Variants in LYN observed in about 807,000 individuals in gnomAD.
LYN encodes the protein tyrosine-protein kinase Lyn.
A neutral mutation model predicts 65.0 loss-of-function variants in LYN; 12 were observed. That is an observed-to-expected ratio of 0.18 (90% CI 0.12 to 0.30). LYN has a LOEUF of 0.30. Ranked by LOEUF, LYN falls within the 10% of genes least tolerant of loss-of-function variation. The pLI is 1.00. For missense variants in LYN, 380 were observed against 623.2 expected (o/e 0.61, Z 4.16); for synonymous variants, 222 against 221.2 (o/e 1.00, Z -0.03).
chr8:56,010,202 C>A lies in LYN; in HGVS notation c.*92C>A. On this transcript the variant is annotated 3_prime_UTR_variant, in exon 13 of 13. Transcript: ENST00000519728. ...CTGGTTGCACTTATGATTTCATGTG[C>A]GGGGATCATCTGCCGTGCCTGGATC... 3 of 1,285,630 alleles carry A rather than the reference C, an allele frequency of 2.3e-6. No individual in the cohort carries two copies. The highest frequency in any genetic ancestry group is 1.9e-5 in the Admixed American group (1 of 53,998). The allele number at this position is 1,285,630 out of a possible 1,614,324, so 79.6% of individuals were successfully genotyped here.
chr8:55,908,971 T>A (rs1464180024), intron 1 of LYN, among the ~76,000 whole-genome samples: 1 of 137,940 alleles, frequency 7.2e-6, no homozygotes, highest in Non-Finnish European at 1.5e-5. Context: ...TGTGGCTGAA[T>A]GGTATTCCAT....
chr8:55,953,098 C>G (rs1489048628), intron 7 of LYN, among the ~76,000 whole-genome samples: 1 of 152,220 alleles, frequency 6.6e-6, no homozygotes, highest in Non-Finnish European at 1.5e-5. Context: ...CCCTCCCATT[C>G]CTGTGTGCAT....
At chr8:55,962,656 G>T (rs1005854842) in intron 8 of LYN, among the ~76,000 whole-genome samples, 1 of 152,192 alleles carries the variant, frequency 6.6e-6, no homozygotes, top group Admixed American at 6.5e-5. Flanking sequence ...GTGCTGTGCT[G>T]CATGTGTTTT....
intron 12 of LYN, among the ~76,000 whole-genome samples, chr8:56,003,047 A>C (rs1310010688): frequency 2.7e-5 from 4 of 150,094 alleles, no homozygotes; most frequent in African/African-American, 9.8e-5. Flanking sequence ...ACTGCTGGCT[A>C]TGTTTTTGTT....
chr8:55,952,626 T>A (rs1013848326), intron 7 of LYN, among the ~76,000 whole-genome samples: 2 of 152,194 alleles, frequency 1.3e-5, no homozygotes, highest in Non-Finnish European at 2.9e-5. Flanking sequence ...TAAGATTTGA[T>A]CCTTGTGAAT....
intron 1 of LYN, among the ~76,000 whole-genome samples, chr8:55,902,474 C>T (rs1168602604): frequency 2.0e-5 from 3 of 150,940 alleles, no homozygotes; most frequent in Non-Finnish European, 3.0e-5. Flanking sequence ...ATTACAGGTG[C>T]GCTCCACAAC....
intron 8 of LYN, among the ~76,000 whole-genome samples, chr8:55,961,372 A>G (rs977739221): frequency 6.6e-6 from 1 of 152,202 alleles, no homozygotes; most frequent in Admixed American, 6.5e-5. Flanking sequence ...TGAACCTTCA[A>G]ACTACCAGAG....
intron 3 of LYN, 143 bp downstream of exon 3, chr8:55,946,636 A>G (rs1806786648): frequency 1.6e-6 from 1 of 630,674 alleles, no homozygotes; most frequent in East Asian, 2.7e-5. Context: ...ATTTTTAAGT[A>G]TACATTTCAG....
chr8:55,952,981 C>T (rs57813383), intron 7 of LYN, among the ~76,000 whole-genome samples: 4,251 of 152,258 alleles, frequency 0.028, 206 homozygotes, highest in African/African-American at 0.097. Context: ...TGCCCCGGCT[C>T]CTTTCTATGA....
intron 10 of LYN, among the ~76,000 whole-genome samples, chr8:55,991,031 C>T (rs1012529677): frequency 2.6e-5 from 4 of 152,110 alleles, no homozygotes; most frequent in African/African-American, 9.7e-5. Flanking sequence ...TGTGAATATA[C>T]CAACAAATAG....
At chr8:55,965,148 A>G (rs1807410997) in intron 8 of LYN, among the ~76,000 whole-genome samples, 1 of 152,194 alleles carries the variant, frequency 6.6e-6, no homozygotes, top group African/African-American at 2.4e-5. Context: ...CTTTCCCAAG[A>G]GAAAGTCAGG....
chr8:56,003,226 AT>A (rs548712716), intron 12 of LYN, among the ~76,000 whole-genome samples: 6 of 149,574 alleles, frequency 4.0e-5, no homozygotes, highest in East Asian at 2.0e-4. Context: ...CGCCCAGCTA[AT>A]TTTTTTTTTA....
chr8:55,890,117 C>CAAAAAAAAAAAAAAAAAAAAAAAA (rs34706733), intron 1 of LYN, among the ~76,000 whole-genome samples: 9 of 79,088 alleles, frequency 1.1e-4, no homozygotes, highest in African/African-American at 2.2e-4. Flanking sequence ...CCTCTATAGA[C>CAAAAAAAAAAAAAAAAAAAAAAAA]AAAAAAAAAA....
At chr8:55,910,956 GT>G (rs1467291013) in intron 1 of LYN, among the ~76,000 whole-genome samples, 1 of 144,662 alleles carries the variant, frequency 6.9e-6, no homozygotes, top group East Asian at 2.0e-4. Flanking sequence ...GAGTGCAGTG[GT>G]GCAGTCTTGG....
intron 10 of LYN, among the ~76,000 whole-genome samples, chr8:55,972,657 CT>C (rs1374733603): frequency 6.6e-6 from 1 of 152,170 alleles, no homozygotes; most frequent in Non-Finnish European, 1.5e-5. Context: ...CTTACCTTTC[CT>C]TCTCTATCAT....
intron 1 of LYN, among the ~76,000 whole-genome samples, chr8:55,906,510 C>T (rs1269113310): frequency 5.9e-5 from 9 of 152,054 alleles, no homozygotes; most frequent in Admixed American, 5.9e-4. Flanking sequence ...GTGCCCACCA[C>T]CACGCCCAGC....
intron 2 of LYN, among the ~76,000 whole-genome samples, chr8:55,943,756 T>C (rs1195880798): frequency 2.0e-5 from 3 of 152,102 alleles, no homozygotes; most frequent in Admixed American, 1.3e-4. Context: ...CATGTCATCA[T>C]TGAGACAAAG....
chr8:55,908,222 C>CATTTATTTATTT (rs60930363), intron 1 of LYN, among the ~76,000 whole-genome samples: 8,642 of 142,972 alleles, frequency 0.06, 514 homozygotes, highest in African/African-American at 0.15. Context: ...CTGTTTAAAC[C>CATTTATTTATTT]ATTTATTTAT....
chr8:55,936,097 A>T (rs1391070702), intron 1 of LYN, among the ~76,000 whole-genome samples: 4 of 152,216 alleles, frequency 2.6e-5, no homozygotes, highest in Non-Finnish European at 5.9e-5. Context: ...GAGTTATAGA[A>T]CTGATACTGG....
Sources: gnomAD v4.1 joint callset for allele counts (sites outside exome capture counted in the v4.1 genomes callset) on GRCh38, gnomAD v4.1.1 for gene constraint, MANE v1.5 for transcripts, NCBI Gene and HGNC (gene_info 2026-07-23, HGNC 2026-07-21) for gene names.